Variants in STT3A observed in about 807,000 individuals in gnomAD.
The protein encoded by STT3A is STT3 oligosaccharyltransferase complex catalytic subunit A, also known as dolichyl-diphosphooligosaccharide--protein glycosyltransferase subunit STT3A.
STT3A carries 34 observed loss-of-function variants against 89.2 expected under a neutral mutation model. The observed-to-expected ratio is 0.38, with a 90% confidence interval of 0.29 to 0.51. The LOEUF (loss-of-function observed/expected upper bound fraction) is 0.51, where lower values mean the gene tolerates loss of function less well. Among genes scored for constraint, STT3A ranks in the 20% least tolerant of loss-of-function variants. The pLI, the probability that STT3A is intolerant of heterozygous loss-of-function variation, is 0.89. For missense variants in STT3A, 555 were observed against 889.5 expected, an observed-to-expected ratio of 0.62 and a Z score of 4.78; for synonymous variants, 282 against 310.3, an observed-to-expected ratio of 0.91 and a Z score of 0.96.
At position 125,602,874 on chromosome 11, in the gene STT3A, G is replaced by A; in HGVS notation, c.343G>A (p.Val115Ile). ...CCACATCACCATCGACATTCGGAAT[G>A]TCTGTGTGTTCCTGGCCCCTCTCTT... The part of the protein sequence containing the change: ...FFHITIDIRN[V>I]CVFLAPLFSS... The change falls in exon 5 of 18, where the codon GTC (valine) becomes ATC (isoleucine). Residue 115 changes from valine to isoleucine, a missense_variant. This residue lies in a region of STT3A where 129 missense variants were observed against 193.2 expected (regional missense o/e 0.67). Transcript: ENST00000392708. 6.2e-7 allele frequency: 1 copy of A among 1,614,130 alleles called. No individual in the cohort carries two copies. Among genetic ancestry groups the A allele is most frequent in the Non-Finnish European group, 8.5e-7 (1 of 1,180,032 alleles).
chr11:125,613,873 T>G lies in STT3A; in HGVS notation c.1555-214T>G. The G allele has an allele frequency of 2.0e-6, 1 of 510,148 alleles. No individual in the cohort carries two copies. Among genetic ancestry groups the G allele is most frequent in the African/African-American group, 1.9e-5 (1 of 51,914 alleles). The allele number at this position is 510,148 out of a possible 1,614,324, so 31.6% of individuals were successfully genotyped here. On this transcript the variant is annotated intron_variant, in intron 13 of 17. Coordinates refer to ENST00000392708, the MANE Select transcript of STT3A (RefSeq NM_152713.5). The surrounding 1 kb of genome is among the most constrained non-coding windows in gnomAD (Gnocchi z 4.2). ...GACCTGGGATGAAGTGTTGGGAATGTTGGTTTGTTATTTGTGCTGAGATTT... is the reference window on the plus strand; with the variant it reads ...GACCTGGGATGAAGTGTTGGGAATGGTGGTTTGTTATTTGTGCTGAGATTT...
chr11:125,593,121 TGG>T (rs1294750280), intron 1 of STT3A: 1 of 153,080 alleles, frequency 6.5e-6, no homozygotes, highest in Non-Finnish European at 1.5e-5. Flanking sequence ...GAGGGTAAGG[TGG>T]GTCTTGAGAA....
At chr11:125,617,862 A>G (rs1940223956) in intron 15 of STT3A, among the ~76,000 whole-genome samples, 3 of 152,264 alleles carry the variant, frequency 2.0e-5, no homozygotes, top group Non-Finnish European at 4.4e-5. Context: ...GAAACAGGTG[A>G]AAGTAATTTT....
intron 3 of STT3A, among the ~76,000 whole-genome samples, chr11:125,598,908 T>C (rs2849223): frequency 0.41 from 63,114 of 152,110 alleles, 13,952 homozygotes; most frequent in Admixed American, 0.54. Context: ...ATGCCCAGCC[T>C]ACTTTTGTTT....
Position 125,609,447 on chromosome 11 carries a change from C to T in STT3A, c.975C>T (p.Pro325=), listed in dbSNP as rs1939935573. The T allele has an allele frequency of 6.2e-7, 1 of 1,608,940 alleles. No homozygotes were observed. Among genetic ancestry groups the T allele is most frequent in the South Asian group, 1.1e-5 (1 of 89,886 alleles). Residue 325 remains proline (P), a synonymous_variant, in exon 10 of 18, where the codon CCC becomes CCT. Transcript: ENST00000392708. ...CTTTGCTGCTAGGAAAAATATCTCC[C>T]TGGACGGGGCGTTTCTACTCGCTGC... ...ALLMLTGKIS[P]WTGRFYSLLD...
chr11:125,603,477 T>G lies in STT3A; in HGVS notation c.417+529T>G. On this transcript the variant is annotated intron_variant, in intron 5 of 17. Transcript: ENST00000392708. ...CTATTCTTAGTTTGTGCTGCGGTGT[T>G]AGAGAGATACCTGAGAGGTGATAAA... 2 of 154,632 alleles carry G rather than the reference T, an allele frequency of 1.3e-5. 1 individual carries two copies. 9.6% of individuals were successfully genotyped at this position (154,632 alleles called of 1,614,324 possible).
At chr11:125,612,021 G>T (rs879887183) in intron 11 of STT3A, among the ~76,000 whole-genome samples, 5 of 151,792 alleles carry the variant, frequency 3.3e-5, no homozygotes, top group African/African-American at 4.8e-5. Context: ...GGGATTACTG[G>T]CATGCACCAC....
At position 125,608,308 on chromosome 11, in the gene STT3A, T is replaced by C. The variant is rs551061491; in HGVS notation, c.961+19T>C. The C allele has an allele frequency of 6.3e-5, 99 of 1,563,592 alleles. 1 individual carries two copies. The Admixed American group carries it at 7.5e-4, about 12-fold the overall frequency. ...CTGACAGGTAGGGAAGGCTCACAGC[T>C]TTTTTCCTTTTTTCTTTTTTTTTAA... is the stretch of plus-strand genomic sequence containing the variant. On this transcript the variant is annotated intron_variant, in intron 9 of 17. Coordinates refer to ENST00000392708, the MANE Select transcript of STT3A (RefSeq NM_152713.5).
Position 125,618,352 on chromosome 11 carries a change from CTTTT to C in STT3A, c.1775-11_1775-8del, listed in dbSNP as rs750373548. ...CAGCAACTTTTGTGATGCAGCAGTT[CTTTT>C]TTTTTTTTTCTCCTAGATATCAACA... On this transcript the variant is annotated splice_polypyrimidine_tract_variant and intron_variant, in intron 15 of 17. Coordinates refer to ENST00000392708, the MANE Select transcript of STT3A (RefSeq NM_152713.5). 3.9e-6 allele frequency: 5 copies of C among 1,292,518 alleles called. No individual in the cohort carries two copies. The highest frequency in any genetic ancestry group is 2.4e-5 in the Admixed American group (1 of 41,898). The allele number at this position is 1,292,518 out of a possible 1,614,324, so 80.1% of individuals were successfully genotyped here. A position where few individuals can be genotyped will look rare whatever the true frequency, so the allele number is the denominator to read the frequency against.
intron 8 of STT3A, 63 bp downstream of exon 8, chr11:125,606,528 G>C: frequency 6.6e-7 from 1 of 1,507,066 alleles, no homozygotes; most frequent in East Asian, 2.3e-5. Context: ...CAACTAGACT[G>C]ATTTATCTTA....
chr11:125,605,872 C>G, intron 7 of STT3A, 137 bp downstream of exon 7: 5 of 659,774 alleles, frequency 7.6e-6, no homozygotes, highest in South Asian at 6.1e-5. Flanking sequence ...TTTTTCTGTT[C>G]ATACTTACGT....
rs1373067105 is a variant in STT3A, at chr11:125,613,905, T to C, written c.1555-182T>C. 1.7e-6 allele frequency: 1 copy of C among 578,808 alleles called. No homozygotes were observed. Among genetic ancestry groups the C allele is most frequent in the East Asian group, 2.9e-5 (1 of 34,304 alleles). 35.9% of individuals were successfully genotyped at this position (578,808 alleles called of 1,614,324 possible). ...GTTATTTGTGCTGAGATTTTATAATTGTATATAAATGGAAGACCAGGTGCC... is the reference window on the plus strand; with the variant it reads ...GTTATTTGTGCTGAGATTTTATAATCGTATATAAATGGAAGACCAGGTGCC... On this transcript the variant is annotated intron_variant, in intron 13 of 17. Coordinates refer to ENST00000392708, the MANE Select transcript of STT3A (RefSeq NM_152713.5). This position sits in a 1 kb window ranked among gnomAD's most constrained non-coding sequence, Gnocchi z 4.2.
chr11:125,620,039 A>G lies in STT3A; in HGVS notation c.1992A>G (p.Arg664=). Residue 664 remains arginine, a synonymous_variant, in exon 17 of 18, where the codon CGA becomes CGG. Coordinates refer to ENST00000392708, the MANE Select transcript of STT3A (RefSeq NM_152713.5). ...AKRPPGFDRV[R]NAEIGNKDFE... ...GTCCTCCAGGCTTTGACCGTGTCCG[A>G]AATGCTGAGATTGGGAATAAAGACT... is the stretch of plus-strand genomic sequence containing the variant. 6.2e-7 allele frequency: 1 copy of G among 1,614,148 alleles called. No homozygotes were observed. The highest frequency in any genetic ancestry group is 8.5e-7 in the Non-Finnish European group (1 of 1,180,022).
chr11:125,605,136 A>T (rs201252346), intron 6 of STT3A, among the ~76,000 whole-genome samples: 1 of 130,012 alleles, frequency 7.7e-6, no homozygotes, highest in Non-Finnish European at 1.8e-5. Context: ...TATTTTTTTA[A>T]GAAAAAAAAA....
chr11:125,599,497 A>G (rs1256563422), intron 3 of STT3A, among the ~76,000 whole-genome samples: 2 of 152,074 alleles, frequency 1.3e-5, no homozygotes, highest in East Asian at 1.9e-4. Context: ...TGCAGCCTCA[A>G]CTTCCTGGGC....
At chr11:125,602,981 A>T in intron 5 of STT3A, 33 bp downstream of exon 5, 1 of 1,612,764 alleles carries the variant, frequency 6.2e-7, no homozygotes, top group Non-Finnish European at 8.5e-7. Context: ...AGGCTTGGGA[A>T]TGAATGTTAT....
chr11:125,605,750 A>G lies in STT3A; in HGVS notation c.615+15A>G, dbSNP rs752493739. ...ATTTCTACATGGTAACTTTTTCTAC[A>G]TGTTTTCAATTTTTAAAGTTCTCTA... On this transcript the variant is annotated intron_variant, in intron 7 of 17. Transcript: ENST00000392708. The G allele has an allele frequency of 3.1e-6, 5 of 1,601,756 alleles. No individual in the cohort carries two copies. The highest frequency in any genetic ancestry group is 4.3e-6 in the Non-Finnish European group (5 of 1,170,222).
Position 125,620,132 on chromosome 11 carries a change from C to G in STT3A, c.2079+6C>G. 6.2e-7 allele frequency: 1 copy of G among 1,609,976 alleles called. No homozygotes were observed. The highest frequency in any genetic ancestry group is 8.5e-7 in the Non-Finnish European group (1 of 1,176,770). ...GGCTGGTCAGGATATACAAGGTAAG[C>G]AGATGCTATACGTCTCAGAAAGCAA... On this transcript the variant is annotated splice_donor_region_variant and intron_variant, in intron 17 of 17. Transcript: ENST00000392708.
intron 2 of STT3A, among the ~76,000 whole-genome samples, chr11:125,596,508 T>C (rs1010492697): frequency 6.6e-6 from 1 of 152,200 alleles, no homozygotes; most frequent in Non-Finnish European, 1.5e-5. Flanking sequence ...ATGGGAAGCA[T>C]GCTGTGCCAA....
Sources: gnomAD v4.1 joint callset for allele counts (sites outside exome capture counted in the v4.1 genomes callset) on GRCh38, gnomAD v4.1.1 for gene constraint, gnomAD v4.1.1 regional missense constraint, Gnocchi (gnomAD v3.1) non-coding constraint, MANE v1.5 for transcripts, NCBI Gene and HGNC (gene_info 2026-07-23, HGNC 2026-07-21) for gene names.